CCSER2: variants seen among roughly 807,000 people sequenced by gnomAD.
CCSER2 encodes the protein serine-rich coiled-coil domain-containing protein 2.
CCSER2 carries 46 observed loss-of-function variants against 92.3 expected under a neutral mutation model. That is an observed-to-expected ratio of 0.50 (90% CI 0.39 to 0.64). CCSER2 has a LOEUF of 0.64. CCSER2 is among the 30% of genes least tolerant of loss of function. The pLI is 0.00. For missense variants in CCSER2, 1,244 were observed against 1,238.9 expected, an observed-to-expected ratio of 1.00 and a Z score of -0.06; for synonymous variants, 433 against 431.4, an observed-to-expected ratio of 1.00 and a Z score of -0.04.
At chr10:84,353,161 G>T (rs149635279) in intron 1 of CCSER2, among the ~76,000 whole-genome samples, 276 of 152,246 alleles carry the variant, frequency 1.8e-3, no homozygotes, top group African/African-American at 4.5e-3. Context: ...ATTAGTTATC[G>T]TTAAGGGCCC....
At chr10:84,451,511 C>G (rs1845290181) in intron 6 of CCSER2, among the ~76,000 whole-genome samples, 1 of 151,950 alleles carries the variant, frequency 6.6e-6, no homozygotes, top group Admixed American at 6.6e-5. Flanking sequence ...AACTTAGTTT[C>G]TTATACTGTA....
chr10:84,371,474 A>G lies in CCSER2; in HGVS notation c.422A>G (p.Lys141Arg). ...TCATCTACAGAGGAGTTAAACCAAA[A>G]GTCTTTTTCTGGACCATCTAATTTG... The part of the protein sequence containing the change: ...FVSSTEELNQ[K>R]SFSGPSNLGK... Residue 141 changes from lysine (K) to arginine (R), a missense_variant, in exon 2 of 10, where the codon AAG becomes AGG. Physicochemically the swap from Lys to Arg is conservative, Grantham distance 26. Coordinates refer to ENST00000372088, the MANE Select transcript of CCSER2 (RefSeq NM_001284240.2). 1.2e-6 allele frequency: 2 copies of G among 1,613,950 alleles called. No homozygotes were observed. The highest frequency in any genetic ancestry group is 1.7e-6 in the Non-Finnish European group (2 of 1,179,908).
chr10:84,374,084 C>T, intron 3 of CCSER2: 1 of 717,626 alleles, frequency 1.4e-6, no homozygotes, highest in South Asian at 2.6e-5. Context: ...TTAATCTATG[C>T]CAGTGGTTCT....
At chr10:84,390,923 G>T in intron 3 of CCSER2, 1 of 749,406 alleles carries the variant, frequency 1.3e-6, no homozygotes, top group Admixed American at 1.7e-5. Context: ...GAGGAGGCTT[G>T]TACAGCACCT....
intron 1 of CCSER2, among the ~76,000 whole-genome samples, chr10:84,350,087 A>G (rs1490746033): frequency 1.3e-5 from 2 of 152,196 alleles, no homozygotes; most frequent in African/African-American, 2.4e-5. Context: ...TGGGAAGTGG[A>G]GGTTGCAGTG....
intron 9 of CCSER2, among the ~76,000 whole-genome samples, chr10:84,507,025 G>A (rs1395045495): frequency 6.6e-6 from 1 of 152,136 alleles, no homozygotes; most frequent in Admixed American, 6.5e-5. Flanking sequence ...GTGTGTGTGA[G>A]AAGTTTTACA....
chr10:84,334,142 G>A (rs1303596454), intron 1 of CCSER2, among the ~76,000 whole-genome samples: 1 of 152,198 alleles, frequency 6.6e-6, no homozygotes, highest in Non-Finnish European at 1.5e-5. Context: ...ACAGACATGA[G>A]CATGTAGAAT....
chr10:84,369,315 A>G (rs891695169), intron 1 of CCSER2, among the ~76,000 whole-genome samples: 2 of 152,054 alleles, frequency 1.3e-5, no homozygotes, highest in African/African-American at 2.4e-5. Flanking sequence ...CATCACATCT[A>G]TGCCAATATC....
intron 6 of CCSER2, among the ~76,000 whole-genome samples, chr10:84,442,034 G>A (rs911272070): frequency 7.2e-5 from 11 of 152,072 alleles, no homozygotes; most frequent in African/African-American, 2.4e-5. Flanking sequence ...GGGATTACAG[G>A]CGTGAACCAC....
intron 4 of CCSER2, among the ~76,000 whole-genome samples, chr10:84,422,280 C>A (rs1244508544): frequency 6.6e-6 from 1 of 152,194 alleles, no homozygotes; most frequent in African/African-American, 2.4e-5. Flanking sequence ...TGATCCCCAA[C>A]AGAGAAGTCC....
At chr10:84,405,616 A>C (rs147711622) in intron 3 of CCSER2, among the ~76,000 whole-genome samples, 1 of 152,222 alleles carries the variant, frequency 6.6e-6, no homozygotes, top group Non-Finnish European at 1.5e-5. Context: ...GCAATAAGTA[A>C]GTAGACAACC....
chr10:84,423,474 C>T (rs1843254544), intron 4 of CCSER2, among the ~76,000 whole-genome samples: 1 of 152,196 alleles, frequency 6.6e-6, no homozygotes, highest in South Asian at 2.1e-4. Context: ...TTAGCAAATA[C>T]AAAAGCACCA....
chr10:84,373,538 A>G (rs562849823), intron 2 of CCSER2, 81 bp from the exon 3 acceptor site: 1 of 1,083,214 alleles, frequency 9.2e-7, no homozygotes. Flanking sequence ...GCTATGATAT[A>G]TCAAATTATT....
At chr10:84,346,539 A>G (rs1433532125) in intron 1 of CCSER2, among the ~76,000 whole-genome samples, 2 of 152,118 alleles carry the variant, frequency 1.3e-5, no homozygotes, top group Non-Finnish European at 2.9e-5. Flanking sequence ...CCATGGGCAT[A>G]TGTAGGAGGA....
intron 1 of CCSER2, among the ~76,000 whole-genome samples, chr10:84,362,101 G>A: frequency 6.6e-6 from 1 of 152,160 alleles, no homozygotes; most frequent in Non-Finnish European, 1.5e-5. Flanking sequence ...TGAATTTATG[G>A]CCTAGTAGTC....
intron 9 of CCSER2, among the ~76,000 whole-genome samples, chr10:84,481,130 A>G (rs1170885250): frequency 6.6e-6 from 1 of 152,136 alleles, no homozygotes; most frequent in Non-Finnish European, 1.5e-5. Context: ...TTATTTAAAA[A>G]AAGCCCCTGA....
Position 84,513,524 on chromosome 10 carries a change from C to T in CCSER2, c.2401C>T (p.Arg801Cys), listed in dbSNP as rs61747212. Residue 801 changes from arginine to cysteine, a missense_variant, in exon 10 of 10, where the codon CGT becomes TGT. Physicochemically the swap from Arg to Cys is radical, Grantham distance 180 (BLOSUM62 -3). Transcript: ENST00000372088. ...CCAGGGAAAACTAATAAAGCCACAA[C>T]GTATCGAGGCCCGCAGTGAATGCTC... ...HTQGKLIKPQ[R>C]IEARSECSIQ... is the part of the protein sequence containing the mutation. The T allele has an allele frequency of 1.4e-3, 2,220 of 1,614,070 alleles. 14 individuals are homozygous for T. The highest frequency in any genetic ancestry group is 0.012 in the African/African-American group (890 of 75,026).
intron 6 of CCSER2, among the ~76,000 whole-genome samples, chr10:84,444,816 G>T (rs1403628993): frequency 6.6e-6 from 1 of 152,076 alleles, no homozygotes; most frequent in African/African-American, 2.4e-5. Flanking sequence ...TCTTTTATTT[G>T]TGGTTTTACT....
chr10:84,463,918 CCTT>C lies in CCSER2; in HGVS notation c.2065-11_2065-9del. 6.4e-7 allele frequency: 1 copy of C among 1,567,936 alleles called. No individual in the cohort carries two copies. The highest frequency in any genetic ancestry group is 8.8e-7 in the Non-Finnish European group (1 of 1,139,414). ...CTATATTAATCTAGTGTTTTTCTTC[CCTT>C]CTTTCTGACAGCATGATGGAAGTGG... On this transcript the variant is annotated splice_polypyrimidine_tract_variant and intron_variant, in intron 6 of 9. Coordinates refer to ENST00000372088, the MANE Select transcript of CCSER2 (RefSeq NM_001284240.2).
Sources: gnomAD v4.1 joint callset for allele counts (sites outside exome capture counted in the v4.1 genomes callset) on GRCh38, gnomAD v4.1.1 for gene constraint, MANE v1.5 for transcripts, NCBI Gene and HGNC (gene_info 2026-07-23, HGNC 2026-07-21) for gene names.